VKORC1L1: variants seen among roughly 807,000 people sequenced by gnomAD.
VKORC1L1 encodes the protein vitamin K epoxide reductase complex subunit 1-like protein 1.
In VKORC1L1, 2 loss-of-function variants were observed where a neutral mutation model predicts 18.9. The ratio of observed to expected loss-of-function variants is 0.11; its 90% CI spans 0.04 to 0.33. The LOEUF is 0.33. Among genes scored for constraint, VKORC1L1 ranks in the 10% least tolerant of loss-of-function variants. The pLI is 1.00. For missense variants in VKORC1L1, 123 were observed against 224.1 expected (o/e 0.55, Z 2.88); for synonymous variants, 96 against 100.0 (o/e 0.96, Z 0.24).
At chr7:65,872,966 C>T (rs561534392), upstream of VKORC1L1, among the ~76,000 whole-genome samples, 1 of 148,496 alleles carries the variant, frequency 6.7e-6, no homozygotes, top group East Asian at 2.0e-4. Context: ...CTGGCTCCGC[C>T]CCTCCCCACC....
At chr7:65,873,810 T>C (rs867078947) in intron 1 of VKORC1L1, among the ~76,000 whole-genome samples, 1 of 149,218 alleles carries the variant, frequency 6.7e-6, no homozygotes, top group South Asian at 2.1e-4. Flanking sequence ...AGGGATGAGG[T>C]GGCAGAGTGC....
chr7:65,939,974 G>A (rs775573885), intron 1 of VKORC1L1, among the ~76,000 whole-genome samples: 1 of 151,946 alleles, frequency 6.6e-6, no homozygotes, highest in Non-Finnish European at 1.5e-5. Flanking sequence ...TGATCATGAC[G>A]CTAAAGAAAT....
chr7:65,922,863 T>C (rs1312648750), intron 1 of VKORC1L1, among the ~76,000 whole-genome samples: 1 of 152,192 alleles, frequency 6.6e-6, no homozygotes, highest in Non-Finnish European at 1.5e-5. Flanking sequence ...GAAAGTTTAC[T>C]GTGATGTGCT....
chr7:65,928,856 T>C (rs986935299), intron 1 of VKORC1L1, among the ~76,000 whole-genome samples: 1 of 152,190 alleles, frequency 6.6e-6, no homozygotes, highest in Admixed American at 6.5e-5. Flanking sequence ...CCACCAGCAA[T>C]GTGTGAGAGT....
intron 1 of VKORC1L1, among the ~76,000 whole-genome samples, chr7:65,916,343 GTTA>G (rs1789588977): frequency 6.6e-6 from 1 of 151,906 alleles, no homozygotes; most frequent in Non-Finnish European, 1.5e-5. Context: ...ATCCATTGTG[GTTA>G]TTATTCTTAT....
intron 1 of VKORC1L1, among the ~76,000 whole-genome samples, chr7:65,923,052 A>G (rs907738256): frequency 3.9e-5 from 6 of 152,104 alleles, no homozygotes; most frequent in African/African-American, 1.2e-4. Flanking sequence ...TGATCATAGG[A>G]AAGGTAACTG....
At chr7:65,877,091 C>T (rs569303607) in intron 1 of VKORC1L1, among the ~76,000 whole-genome samples, 44 of 152,254 alleles carry the variant, frequency 2.9e-4, no homozygotes, top group African/African-American at 5.1e-4. Context: ...ATTAGTGTTA[C>T]GATGAAAAGT....
chr7:65,883,473 T>G (rs1788962037), intron 1 of VKORC1L1, among the ~76,000 whole-genome samples: 1 of 149,328 alleles, frequency 6.7e-6, no homozygotes, highest in Non-Finnish European at 1.5e-5. Context: ...TTAAAATACA[T>G]TGATAGAATA....
chr7:65,930,307 T>G (rs892025211), intron 1 of VKORC1L1, among the ~76,000 whole-genome samples: 2 of 152,168 alleles, frequency 1.3e-5, no homozygotes, highest in Admixed American at 1.3e-4. Context: ...AAGAGGAGTG[T>G]AAAAGCTTTA....
chr7:65,887,839 C>T (rs889874157), intron 1 of VKORC1L1, among the ~76,000 whole-genome samples: 1 of 151,670 alleles, frequency 6.6e-6, no homozygotes, highest in Non-Finnish European at 1.5e-5. Context: ...AAAAAAAAAG[C>T]AACAAATAAC....
chr7:65,907,978 A>C (rs1180892242), intron 1 of VKORC1L1, among the ~76,000 whole-genome samples: 1 of 152,124 alleles, frequency 6.6e-6, no homozygotes, highest in Non-Finnish European at 1.5e-5. Flanking sequence ...TTGATTACTT[A>C]CTGGGAAAAC....
chr7:65,896,217 T>C (rs1024804871), intron 1 of VKORC1L1, among the ~76,000 whole-genome samples: 2 of 152,116 alleles, frequency 1.3e-5, no homozygotes, highest in African/African-American at 4.8e-5. Flanking sequence ...ATCTCACTTC[T>C]TTTGTTTAAC....
At chr7:65,936,860 G>A (rs989452094) in intron 1 of VKORC1L1, among the ~76,000 whole-genome samples, 4 of 152,114 alleles carry the variant, frequency 2.6e-5, no homozygotes, top group Admixed American at 6.6e-5. Context: ...GGCTTCACCC[G>A]AAGAGTGAGG....
At chr7:65,926,014 G>C (rs769309745) in intron 1 of VKORC1L1, among the ~76,000 whole-genome samples, 4 of 148,666 alleles carry the variant, frequency 2.7e-5, no homozygotes, top group Non-Finnish European at 4.4e-5. Flanking sequence ...GACCACTAAT[G>C]ATATAATTAA....
intron 1 of VKORC1L1, among the ~76,000 whole-genome samples, chr7:65,882,975 A>T (rs73142138): frequency 3.3e-5 from 5 of 152,060 alleles, no homozygotes; most frequent in Non-Finnish European, 7.4e-5. Flanking sequence ...TTGGCAAAAC[A>T]TGCTTTATCA....
Position 65,873,571 on chromosome 7 carries a change from CG to C in VKORC1L1, c.194+8del. 1 of 1,527,888 alleles carries C rather than the reference CG, an allele frequency of 6.5e-7. No individual in the cohort carries two copies. Among genetic ancestry groups the C allele is most frequent in the Non-Finnish European group, 8.8e-7 (1 of 1,139,402 alleles). The allele number at this position is 1,527,888 out of a possible 1,614,324, so 94.6% of individuals were successfully genotyped here. ...TCCGCCGCCCTTGCCTCCAGGTAGC[CG>C]GCTTGGGGGAGTGGGCCAGGAGCGG... On this transcript the variant is annotated splice_region_variant and intron_variant, in intron 1 of 2. Transcript: ENST00000360768.
intron 1 of VKORC1L1, among the ~76,000 whole-genome samples, chr7:65,932,869 G>A (rs1367162474): frequency 1.3e-5 from 2 of 152,080 alleles, no homozygotes; most frequent in Non-Finnish European, 2.9e-5. Context: ...CACGAGGTCA[G>A]GAGTTCAAGA....
intron 1 of VKORC1L1, among the ~76,000 whole-genome samples, chr7:65,881,918 A>T (rs1362134962): frequency 6.6e-6 from 1 of 151,714 alleles, no homozygotes; most frequent in African/African-American, 2.4e-5. Context: ...CATCTCTACT[A>T]AAAATACAAA....
chr7:65,879,508 C>T (rs943760288), intron 1 of VKORC1L1, among the ~76,000 whole-genome samples: 2 of 152,204 alleles, frequency 1.3e-5, no homozygotes, highest in Admixed American at 6.5e-5. Flanking sequence ...TCCCATGAGG[C>T]AGGTAGCTTT....
Sources: allele counts gnomAD v4.1 joint callset (sites outside exome capture counted in the v4.1 genomes callset), GRCh38; gene constraint gnomAD v4.1.1; transcripts MANE v1.5; gene names NCBI Gene and HGNC (gene_info 2026-07-23, HGNC 2026-07-21).